FAT3: variants seen among roughly 807,000 people sequenced by gnomAD.
FAT3 encodes the protein protocadherin Fat 3.
Under a neutral mutation model 310.2 loss-of-function variants are expected in FAT3, and 95 were observed. The observed-to-expected ratio is 0.31, with a 90% confidence interval of 0.26 to 0.36. The LOEUF (loss-of-function observed/expected upper bound fraction) is 0.36. FAT3 is among the 10% of genes least tolerant of loss of function. FAT3 has a pLI of 1.00. For synonymous variants in FAT3, 2,314 were observed against 2,192.9 expected (o/e 1.06, Z -1.54); for missense variants, 5,408 against 5,715.6 (o/e 0.95, Z 1.74).
At chr11:92,293,413 T>G (rs957221249) in intron 1 of FAT3, among the ~76,000 whole-genome samples, 10 of 150,570 alleles carry the variant, frequency 6.6e-5, no homozygotes, top group African/African-American at 2.4e-4. Flanking sequence ...TGCTGAACAT[T>G]TAGAGTGTAT....
intron 4 of FAT3, among the ~76,000 whole-genome samples, chr11:92,716,822 G>T (rs1272972537): frequency 2.0e-5 from 3 of 152,168 alleles, no homozygotes; most frequent in African/African-American, 7.2e-5. Flanking sequence ...CTTTATGATT[G>T]TAGTAGAGAT....
At chr11:92,276,139 T>A (rs1351050697) in intron 1 of FAT3, among the ~76,000 whole-genome samples, 1 of 152,152 alleles carries the variant, frequency 6.6e-6, no homozygotes, top group African/African-American at 2.4e-5. Context: ...CAAAATATTT[T>A]CTTTAGCACA....
chr11:92,534,967 A>G (rs1343854367), intron 3 of FAT3, among the ~76,000 whole-genome samples: 1 of 152,160 alleles, frequency 6.6e-6, no homozygotes, highest in Non-Finnish European at 1.5e-5. Flanking sequence ...CCTAATGGTA[A>G]TAAGGGGCAA....
intron 7 of FAT3, among the ~76,000 whole-genome samples, chr11:92,788,567 A>G (rs975853646): frequency 6.6e-6 from 1 of 152,300 alleles, no homozygotes; most frequent in Non-Finnish European, 1.5e-5. Context: ...TTAATGAATT[A>G]TCTGTATAAT....
intron 3 of FAT3, among the ~76,000 whole-genome samples, chr11:92,541,552 T>C (rs1010693071): frequency 4.6e-5 from 7 of 152,164 alleles, no homozygotes; most frequent in African/African-American, 1.7e-4. Flanking sequence ...AGAAATTTCA[T>C]AAGTATTCAT....
chr11:92,439,944 A>G lies in FAT3; in HGVS notation c.3292+84540A>G, dbSNP rs116452373. ...AAGAAAGAAAAAGAAAAGAAAGAAA[A>G]AAAAAAAACCTGCTGAAGCTGGCAG... On this transcript the variant is annotated intron_variant, in intron 2 of 27. Transcript: ENST00000525166. 3.0e-3 allele frequency among the ~76,000 whole-genome samples: 458 copies of G among 152,022 alleles called. 1 individual carries two copies. The highest frequency in any genetic ancestry group is 1.0e-2 in the African/African-American group (413 of 41,450).
chr11:92,745,309 G>A (rs968954512), intron 4 of FAT3, among the ~76,000 whole-genome samples: 2 of 152,150 alleles, frequency 1.3e-5, no homozygotes, highest in Admixed American at 6.5e-5. Context: ...TTAGATCTGC[G>A]GCTAATATGA....
chr11:92,507,073 G>A (rs1380481791), intron 2 of FAT3, among the ~76,000 whole-genome samples: 2 of 152,202 alleles, frequency 1.3e-5, no homozygotes, highest in African/African-American at 4.8e-5. Flanking sequence ...TCTTGTCAAA[G>A]CTGGTCTAAC....
chr11:92,779,587 T>C (rs1175944739), intron 7 of FAT3, among the ~76,000 whole-genome samples: 2 of 152,170 alleles, frequency 1.3e-5, no homozygotes, highest in East Asian at 3.9e-4. Context: ...CATTTAACTC[T>C]TACAGTTACT....
rs555479541 is a variant in FAT3 at position 92,832,059 on chromosome 11, G to T, written c.9871+48G>T. On this transcript the variant is annotated intron_variant, in intron 14 of 27. Transcript: ENST00000525166. ...AGAATACAGAGCTTCAGCTTGGCACGGTGGCTCACACCTGTAAACCTAGCA... is the reference window on the plus strand; with the variant it reads ...AGAATACAGAGCTTCAGCTTGGCACTGTGGCTCACACCTGTAAACCTAGCA... 3.4e-6 allele frequency: 5 copies of T among 1,486,800 alleles called. No homozygotes were observed. In the African/African-American group the frequency reaches 6.9e-5, roughly 21 times the overall value. 92.1% of individuals were successfully genotyped at this position (1,486,800 alleles called of 1,614,324 possible). A position where few individuals can be genotyped will look rare whatever the true frequency, so the allele number is the denominator to read the frequency against.
intron 4 of FAT3, among the ~76,000 whole-genome samples, chr11:92,705,452 G>GGTGGTGGTGGTGTGATA (rs1565526837): frequency 6.9e-6 from 1 of 145,326 alleles, no homozygotes. Context: ...GTGGTGTGAT[G>GGTGGTGGTGGTGTGATA]GTGGTGTGAT....
At chr11:92,442,461 A>G (rs1358443543) in intron 2 of FAT3, among the ~76,000 whole-genome samples, 2 of 151,686 alleles carry the variant, frequency 1.3e-5, no homozygotes, top group Non-Finnish European at 2.9e-5. Flanking sequence ...AGTAATAAAA[A>G]TAATAAGTAT....
intron 13 of FAT3, among the ~76,000 whole-genome samples, chr11:92,815,190 A>G (rs145430777): frequency 1.8e-4 from 28 of 152,322 alleles, no homozygotes; most frequent in African/African-American, 6.5e-4. Flanking sequence ...AATTGGAACA[A>G]GGAAAACCAG....
chr11:92,579,953 A>G (rs912626256), intron 3 of FAT3, among the ~76,000 whole-genome samples: 5 of 152,146 alleles, frequency 3.3e-5, no homozygotes, highest in Non-Finnish European at 7.4e-5. Flanking sequence ...AAACACACCA[A>G]TAGTTAGGGT....
chr11:92,268,863 A>G (rs767552831), intron 1 of FAT3, among the ~76,000 whole-genome samples: 48 of 152,168 alleles, frequency 3.2e-4, no homozygotes, highest in African/African-American at 1.0e-3. Flanking sequence ...AAAGGGGAAG[A>G]AAAAAGAAAC....
At chr11:92,490,896 A>G (rs1952580890) in intron 2 of FAT3, among the ~76,000 whole-genome samples, 1 of 152,174 alleles carries the variant, frequency 6.6e-6, no homozygotes, top group Admixed American at 6.5e-5. Context: ...AATTAGCTTC[A>G]CTTTTTAGAT....
intron 1 of FAT3, among the ~76,000 whole-genome samples, chr11:92,342,212 T>C (rs1411061208): frequency 6.6e-6 from 1 of 152,218 alleles, no homozygotes; most frequent in African/African-American, 2.4e-5. Flanking sequence ...ACATCTTTTC[T>C]TGGCGTTTCC....
intron 3 of FAT3, among the ~76,000 whole-genome samples, chr11:92,594,448 A>C (rs1939601182): frequency 6.6e-6 from 1 of 152,214 alleles, no homozygotes; most frequent in Admixed American, 6.5e-5. Context: ...TCTCAAAACA[A>C]AAACAAAGAG....
chr11:92,815,711 A>G lies in FAT3; in HGVS notation c.9481+5635A>G, dbSNP rs147051912. Among the ~76,000 whole-genome samples, 25 of 152,372 alleles carry G rather than the reference A, an allele frequency of 1.6e-4. No homozygotes were observed. In the East Asian group the frequency reaches 4.8e-3, roughly 29 times the overall value. The stretch of plus-strand genomic sequence containing the variant: ...TTTAGTCAAAATTTCAAACATGGGC[A>G]CCAGGTGAAGGTGCTGCATGAGCAG... On this transcript the variant is annotated intron_variant, in intron 13 of 27. Coordinates refer to ENST00000525166, the MANE Select transcript of FAT3 (RefSeq NM_001367949.2).
Sources: gnomAD v4.1 joint callset for allele counts (sites outside exome capture counted in the v4.1 genomes callset) on GRCh38, gnomAD v4.1.1 for gene constraint, MANE v1.5 for transcripts, NCBI Gene and HGNC (gene_info 2026-07-23, HGNC 2026-07-21) for gene names.